Variants in CACNA2D3 observed in about 807,000 individuals in gnomAD.
CACNA2D3 encodes the protein voltage-dependent calcium channel subunit alpha-2/delta-3.
In CACNA2D3, 60 loss-of-function variants were observed where a neutral mutation model predicts 160.6. The ratio of observed to expected loss-of-function variants is 0.37; its 90% CI spans 0.30 to 0.46. The LOEUF (loss-of-function observed/expected upper bound fraction) is 0.46. Ranked by LOEUF, CACNA2D3 falls within the 20% of genes least tolerant of loss-of-function variation. CACNA2D3 has a pLI of 1.00. For synonymous variants in CACNA2D3, 558 were observed against 492.9 expected (o/e 1.13, Z -1.75); for missense variants, 1,205 against 1,365.0 (o/e 0.88, Z 1.85).
intron 2 of CACNA2D3, among the ~76,000 whole-genome samples, chr3:54,319,860 G>A (rs1162766718): frequency 1.3e-5 from 2 of 152,244 alleles, no homozygotes; most frequent in Non-Finnish European, 2.9e-5. Flanking sequence ...AATTAGAGGA[G>A]TAGCTGTTTT....
At chr3:55,034,943 A>G (rs1470697341) in intron 35 of CACNA2D3, among the ~76,000 whole-genome samples, 1 of 152,150 alleles carries the variant, frequency 6.6e-6, no homozygotes, top group Non-Finnish European at 1.5e-5. Context: ...AATCTCAGTA[A>G]GAGTTACAAA....
chr3:54,893,254 C>CTG (rs1700110075), intron 25 of CACNA2D3, among the ~76,000 whole-genome samples: 1 of 151,848 alleles, frequency 6.6e-6, no homozygotes, highest in Admixed American at 6.6e-5. Flanking sequence ...CCAGCCTGGG[C>CTG]AACAGAGTGA....
chr3:54,726,797 GAACCATAAA>G (rs936104158), intron 11 of CACNA2D3, among the ~76,000 whole-genome samples: 6 of 152,004 alleles, frequency 3.9e-5, no homozygotes, highest in African/African-American at 1.4e-4. Flanking sequence ...GTAAAACCTA[GAACCATAAA>G]AATCCTGTAA....
Position 55,021,681 on chromosome 3 carries a change from A to G in CACNA2D3, c.2987+3364A>G, listed in dbSNP as rs199767834. ...TATGTGTGTGTATATATATATGTGT[A>G]TATATATATATGTGTGTATATATAT... On this transcript the variant is annotated intron_variant, in intron 35 of 37. Transcript: ENST00000474759. Among the ~76,000 whole-genome samples the G allele has an allele frequency of 9.3e-3, 545 of 58,382 alleles. 4 individuals carry two copies. The highest frequency in any genetic ancestry group is 0.013 in the Admixed American group (72 of 5,396). 38.3% of individuals were successfully genotyped at this position (58,382 alleles called of 152,430 possible).
rs547426313 is a variant in CACNA2D3, at chr3:54,207,248, A to G, written c.204+83654A>G. Among the ~76,000 whole-genome samples the G allele has an allele frequency of 1.6e-4, 23 of 144,266 alleles. 1 individual carries two copies. Among genetic ancestry groups the G allele is most frequent in the Admixed American group, 1.6e-3 (21 of 13,240 alleles). The allele number at this position is 144,266 out of a possible 152,430, so 94.6% of individuals were successfully genotyped here. On this transcript the variant is annotated intron_variant, in intron 2 of 37. Coordinates refer to ENST00000474759, the MANE Select transcript of CACNA2D3 (RefSeq NM_018398.3). ...CATGGCAACAAATTAATTTACATGT[A>G]CAGTCTCACTAATGCTGGGAGACGT... is the stretch of plus-strand genomic sequence containing the variant.
intron 9 of CACNA2D3, among the ~76,000 whole-genome samples, chr3:54,601,295 C>T (rs1288360303): frequency 6.6e-6 from 1 of 152,132 alleles, no homozygotes; most frequent in Non-Finnish European, 1.5e-5. Flanking sequence ...ACTCAAACTC[C>T]TGGTCTCAAA....
intron 32 of CACNA2D3, 67 bp downstream of exon 32, chr3:55,004,905 T>C (rs1164605310): frequency 5.4e-6 from 6 of 1,107,570 alleles, no homozygotes; most frequent in Admixed American, 1.8e-5. Context: ...CTGAGTGTTA[T>C]CTTCCTCTTT....
At chr3:54,833,932 A>T (rs1242854609) in intron 14 of CACNA2D3, among the ~76,000 whole-genome samples, 2 of 152,128 alleles carry the variant, frequency 1.3e-5, no homozygotes, top group African/African-American at 2.4e-5. Flanking sequence ...GGTCCATGAG[A>T]TCATTGGCCC....
At chr3:54,558,175 C>T (rs553439331) in intron 5 of CACNA2D3, among the ~76,000 whole-genome samples, 33 of 152,292 alleles carry the variant, frequency 2.2e-4, no homozygotes, top group Non-Finnish European at 2.9e-4. Context: ...TGCAACTTGA[C>T]GACTGGAGTA....
At chr3:54,417,490 T>C (rs1212583323) in intron 4 of CACNA2D3, among the ~76,000 whole-genome samples, 1 of 152,172 alleles carries the variant, frequency 6.6e-6, no homozygotes, top group Non-Finnish European at 1.5e-5. Flanking sequence ...GTCTTTAAGA[T>C]TCTGATCTTT....
At chr3:54,335,043 G>C (rs1704343632) in intron 3 of CACNA2D3, among the ~76,000 whole-genome samples, 1 of 152,206 alleles carries the variant, frequency 6.6e-6, no homozygotes, top group South Asian at 2.1e-4. Context: ...TTTTAGCCCA[G>C]TGCCTGGCAC....
intron 2 of CACNA2D3, among the ~76,000 whole-genome samples, chr3:54,217,739 G>C (rs757864108): frequency 6.6e-6 from 1 of 152,134 alleles, no homozygotes; most frequent in Non-Finnish European, 1.5e-5. Flanking sequence ...TGGCCCTGCT[G>C]ACATGTTAAT....
At chr3:54,574,518 GACAA>G (rs1267616457) in intron 8 of CACNA2D3, among the ~76,000 whole-genome samples, 1 of 152,128 alleles carries the variant, frequency 6.6e-6, no homozygotes, top group Non-Finnish European at 1.5e-5. Context: ...ATCTAAAATG[GACAA>G]ACTAACTGAT....
intron 3 of CACNA2D3, among the ~76,000 whole-genome samples, chr3:54,348,125 A>C (rs185044005): frequency 1.3e-5 from 2 of 152,316 alleles, no homozygotes; most frequent in East Asian, 3.9e-4. Flanking sequence ...TTGATCAAGA[A>C]CACCCAAGGT....
At chr3:54,968,616 TG>T in intron 28 of CACNA2D3, 105 bp downstream of exon 28, 1 of 796,092 alleles carries the variant, frequency 1.3e-6, no homozygotes, top group African/African-American at 1.7e-5. Flanking sequence ...GATGAATGTT[TG>T]TAAAATCAAC....
At chr3:55,061,177 C>G (rs1273888192) in intron 35 of CACNA2D3, among the ~76,000 whole-genome samples, 1 of 152,224 alleles carries the variant, frequency 6.6e-6, no homozygotes, top group East Asian at 1.9e-4. Context: ...ATCAGCAAGT[C>G]ACAAATGGAA....
intron 4 of CACNA2D3, among the ~76,000 whole-genome samples, chr3:54,465,247 T>C (rs1324383169): frequency 6.6e-6 from 1 of 152,126 alleles, no homozygotes; most frequent in African/African-American, 2.4e-5. Context: ...CATGTATTGT[T>C]TTCCTGATTT....
intron 4 of CACNA2D3, among the ~76,000 whole-genome samples, chr3:54,402,459 C>A (rs776952762): frequency 6.6e-6 from 1 of 151,546 alleles, no homozygotes; most frequent in African/African-American, 2.4e-5. Context: ...ATGCAAATGG[C>A]AACCAAAAAA....
At chr3:54,804,503 A>C (rs1266896662) in intron 13 of CACNA2D3, among the ~76,000 whole-genome samples, 7 of 152,262 alleles carry the variant, frequency 4.6e-5, no homozygotes, top group Non-Finnish European at 1.0e-4. Flanking sequence ...AGAGCTAACT[A>C]TCCTAAATAT....
Sources: allele counts gnomAD v4.1 joint callset (sites outside exome capture counted in the v4.1 genomes callset), GRCh38; gene constraint gnomAD v4.1.1; transcripts MANE v1.5; gene names NCBI Gene and HGNC (gene_info 2026-07-23, HGNC 2026-07-21).